The following COL24A1 variants were observed in gnomAD, a reference collection of about 807,000 sequenced individuals.
COL24A1 encodes collagen type XXIV alpha 1 chain, also known as collagen alpha-1(XXIV) chain.
Under a neutral mutation model 253.9 loss-of-function variants are expected in COL24A1, and 224 were observed. The observed-to-expected ratio is 0.88, with a 90% confidence interval of 0.79 to 0.99. The LOEUF (loss-of-function observed/expected upper bound fraction) is 0.99, where lower values mean the gene tolerates loss of function less well. Among genes scored for constraint, COL24A1 ranks in the 50% least tolerant of loss-of-function variants. COL24A1 has a pLI of 0.00. For synonymous variants in COL24A1, 685 were observed against 673.7 expected (o/e 1.02, Z -0.26); for missense variants, 2,131 against 2,068.5 (o/e 1.03, Z -0.59).
At chr1:85,909,352 T>A (rs879121965) in intron 26 of COL24A1, among the ~76,000 whole-genome samples, 2 of 151,888 alleles carry the variant, frequency 1.3e-5, no homozygotes, top group African/African-American at 4.8e-5. Flanking sequence ...ATTTTCTGTA[T>A]GGAATATCCT....
intron 59 of COL24A1, among the ~76,000 whole-genome samples, chr1:85,733,400 T>C (rs1663712036): frequency 1.3e-5 from 2 of 152,160 alleles, no homozygotes; most frequent in African/African-American, 2.4e-5. Flanking sequence ...AACTCTGCCA[T>C]TGTAGTGCCA....
At chr1:85,989,666 C>T (rs917929644) in intron 19 of COL24A1, among the ~76,000 whole-genome samples, 1 of 152,106 alleles carries the variant, frequency 6.6e-6, no homozygotes, top group Admixed American at 6.6e-5. Context: ...TTGGTGGTCT[C>T]TATTTATCTC....
At chr1:85,883,058 T>C (rs933646508) in intron 32 of COL24A1, among the ~76,000 whole-genome samples, 2 of 152,218 alleles carry the variant, frequency 1.3e-5, no homozygotes, top group Non-Finnish European at 2.9e-5. Context: ...ACTTAAACCA[T>C]TGACATTTAA....
intron 56 of COL24A1, 93 bp downstream of exon 56, chr1:85,745,348 G>A (rs1193111916): frequency 1.5e-6 from 1 of 675,066 alleles, no homozygotes; most frequent in East Asian, 2.9e-5. Flanking sequence ...TACAATCTTT[G>A]AGATAATGTC....
rs145086456 is a variant in COL24A1, at chr1:85,792,273, T to C, written c.3952-5812A>G. On this transcript the variant is annotated intron_variant, in intron 47 of 59. Transcript: ENST00000370571. The stretch of plus-strand genomic sequence containing the variant: ...ATTGGGTTATTCAATAGTTTCTCCA[T>C]GTATTCAACAAATATTTATTGAATA... 8.4e-3 allele frequency among the ~76,000 whole-genome samples: 1,275 copies of C among 152,174 alleles called. 56 individuals carry two copies. Among genetic ancestry groups the C allele is most frequent in the Admixed American group, 0.065 (996 of 15,276 alleles).
chr1:85,844,678 A>G (rs1676977917), intron 39 of COL24A1, among the ~76,000 whole-genome samples: 1 of 152,014 alleles, frequency 6.6e-6, no homozygotes, highest in South Asian at 2.1e-4. Context: ...AGGAAAAAAA[A>G]TTAATTATAA....
At chr1:85,998,384 A>T (rs1284161862) in intron 19 of COL24A1, among the ~76,000 whole-genome samples, 6 of 152,220 alleles carry the variant, frequency 3.9e-5, no homozygotes, top group Non-Finnish European at 7.3e-5. Flanking sequence ...CACCTTAGTC[A>T]GAATCAGCAC....
intron 20 of COL24A1, among the ~76,000 whole-genome samples, chr1:85,983,275 A>C (rs1693419979): frequency 2.6e-5 from 4 of 151,974 alleles, no homozygotes; most frequent in Admixed American, 2.6e-4. Context: ...GTAAGCAGCA[A>C]AAGATCTGGT....
At chr1:85,809,587 T>A (rs1320233007) in intron 47 of COL24A1, among the ~76,000 whole-genome samples, 1 of 152,006 alleles carries the variant, frequency 6.6e-6, no homozygotes, top group African/African-American at 2.4e-5. Context: ...TAGAGATAAA[T>A]TGTTGTACTT....
chr1:86,063,803 T>C (rs1202490775), intron 7 of COL24A1, 44 bp from the exon 8 acceptor site: 1 of 1,400,466 alleles, frequency 7.1e-7, no homozygotes, highest in Non-Finnish European at 9.5e-7. Flanking sequence ...AGTAAACTCA[T>C]ATAAGCCAAA....
intron 20 of COL24A1, among the ~76,000 whole-genome samples, chr1:85,983,156 C>T (rs978060266): frequency 6.6e-6 from 1 of 152,014 alleles, no homozygotes; most frequent in Non-Finnish European, 1.5e-5. Flanking sequence ...TTTTAGCATC[C>T]CTAATTCCAT....
chr1:86,073,954 AG>A (rs1702059963), intron 7 of COL24A1, among the ~76,000 whole-genome samples: 1 of 150,820 alleles, frequency 6.6e-6, no homozygotes, highest in Admixed American at 6.6e-5. Flanking sequence ...CTGCCTTACA[AG>A]GAGGGAGCAT....
At chr1:85,798,790 T>A (rs1558167198) in intron 47 of COL24A1, among the ~76,000 whole-genome samples, 1 of 152,198 alleles carries the variant, frequency 6.6e-6, no homozygotes, top group Non-Finnish European at 1.5e-5. Flanking sequence ...AACTGCAAAG[T>A]CAAGATTGAA....
intron 28 of COL24A1, 109 bp downstream of exon 28, chr1:85,907,085 G>T: frequency 1.2e-6 from 1 of 804,072 alleles, no homozygotes; most frequent in Non-Finnish European, 2.0e-6. Context: ...AACCTGACAA[G>T]ATCTAAGCAG....
chr1:86,070,965 G>A (rs1701834525), intron 7 of COL24A1, among the ~76,000 whole-genome samples: 1 of 152,108 alleles, frequency 6.6e-6, no homozygotes, highest in Non-Finnish European at 1.5e-5. Flanking sequence ...ATGGTGGTGT[G>A]TAAACTTCTC....
intron 5 of COL24A1, among the ~76,000 whole-genome samples, chr1:86,107,586 G>C (rs989403977): frequency 5.9e-5 from 9 of 151,738 alleles, no homozygotes; most frequent in African/African-American, 1.9e-4. Context: ...CCAGGCTGGA[G>C]TGCAGTGGCC....
chr1:85,844,338 C>T (rs1386549420), intron 39 of COL24A1, among the ~76,000 whole-genome samples: 1 of 151,984 alleles, frequency 6.6e-6, no homozygotes, highest in Non-Finnish European at 1.5e-5. Flanking sequence ...AAAATAAACT[C>T]TGAAATTGCA....
intron 43 of COL24A1, among the ~76,000 whole-genome samples, chr1:85,835,049 T>G (rs2102179135): frequency 6.6e-6 from 1 of 152,280 alleles, no homozygotes; most frequent in South Asian, 2.1e-4. Context: ...ATGTCCAATG[T>G]AATATCCATG....
intron 30 of COL24A1, 36 bp from the exon 31 acceptor site, chr1:85,895,938 C>A: frequency 6.2e-7 from 1 of 1,602,278 alleles, no homozygotes; most frequent in East Asian, 2.2e-5. Context: ...TCAAGTAGTC[C>A]CCTCCAAAAA....
Sources: allele counts gnomAD v4.1 joint callset (sites outside exome capture counted in the v4.1 genomes callset), GRCh38; gene constraint gnomAD v4.1.1; transcripts MANE v1.5; gene names NCBI Gene and HGNC (gene_info 2026-07-23, HGNC 2026-07-21).